Variants in EPB41L3 observed in about 807,000 individuals in gnomAD.
The protein encoded by EPB41L3 is band 4.1-like protein 3.
A neutral mutation model predicts 127.1 loss-of-function variants in EPB41L3; 57 were observed. The ratio of observed to expected loss-of-function variants is 0.45; its 90% CI spans 0.36 to 0.56. EPB41L3 has a LOEUF of 0.56. Among genes scored for constraint, EPB41L3 ranks in the 20% least tolerant of loss-of-function variants. The probability of loss-of-function intolerance (pLI) is 0.00; values close to 1 mark genes in which losing one functional copy is unlikely to be tolerated. For missense variants in EPB41L3, 1,273 were observed against 1,372.2 expected (o/e 0.93, Z 1.14); for synonymous variants, 572 against 549.5 (o/e 1.04, Z -0.57).
chr18:5,469,458 TG>T (rs1339895274), intron 3 of EPB41L3, among the ~76,000 whole-genome samples: 3 of 74,974 alleles, frequency 4.0e-5, no homozygotes, highest in Non-Finnish European at 1.0e-4. Context: ...TGCCTGGCTG[TG>T]TGTATGCCTG....
intron 1 of EPB41L3, among the ~76,000 whole-genome samples, chr18:5,618,681 G>A (rs1006256590): frequency 3.9e-5 from 6 of 152,046 alleles, no homozygotes; most frequent in African/African-American, 1.2e-4. Flanking sequence ...TTTGTGAACA[G>A]ACGAAAGTCA....
At chr18:5,476,540 T>A (rs538317259) in intron 3 of EPB41L3, among the ~76,000 whole-genome samples, 1 of 152,348 alleles carries the variant, frequency 6.6e-6, no homozygotes, top group East Asian at 1.9e-4. Flanking sequence ...TGTGAAACAC[T>A]ATAAACTTTC....
intron 3 of EPB41L3, among the ~76,000 whole-genome samples, chr18:5,465,523 T>C (rs2084801160): frequency 1.3e-5 from 2 of 152,214 alleles, no homozygotes; most frequent in South Asian, 4.1e-4. Context: ...TGGTATTTTA[T>C]ATTTATATTC....
Position 5,489,145 on chromosome 18 carries a change from C to T in EPB41L3, c.39G>A (p.Pro13=), listed in dbSNP as rs1329422383. 12 of 1,594,992 alleles carry T rather than the reference C, an allele frequency of 7.5e-6. No homozygotes were observed. Among genetic ancestry groups the T allele is most frequent in the South Asian group, 1.1e-5 (1 of 89,192 alleles). The stretch of plus-strand genomic sequence containing the variant: ...CCTCCTGGGGCTCGGCCTCCTGGTC[C>T]GGCTTGGATTCCGAGTCTGATCCAG... The part of the protein sequence containing the change: ...TESGSDSESK[P]DQEAEPQEAA... Residue 13 remains proline, a synonymous_variant, in exon 2 of 23, where the codon CCG becomes CCA. Coordinates refer to ENST00000341928, the MANE Select transcript of EPB41L3 (RefSeq NM_012307.5).
intron 3 of EPB41L3, among the ~76,000 whole-genome samples, chr18:5,448,544 T>C (rs565741945): frequency 2.6e-5 from 4 of 152,328 alleles, no homozygotes; most frequent in African/African-American, 7.2e-5. Context: ...TGTTGTTCTT[T>C]AAGTGATCAA....
intron 11 of EPB41L3, chr18:5,420,097 C>A: frequency 1.1e-6 from 1 of 886,250 alleles, no homozygotes; most frequent in Non-Finnish European, 1.7e-6. Flanking sequence ...GAGAGCATGA[C>A]CTTCCTGTAT....
Position 5,543,765 on chromosome 18 carries a change from C to G in EPB41L3, c.-12+148G>C, listed in dbSNP as rs2093819488. The G allele has an allele frequency of 4.8e-6, 3 of 622,208 alleles. No individual in the cohort carries two copies. Among genetic ancestry groups the G allele is most frequent in the Non-Finnish European group, 6.0e-6 (3 of 499,680 alleles). 38.5% of individuals were successfully genotyped at this position (622,208 alleles called of 1,614,324 possible). A position where few individuals can be genotyped will look rare whatever the true frequency, so the allele number is the denominator to read the frequency against. The stretch of plus-strand genomic sequence containing the variant: ...GACCCCGGCCGCGCCGGGCGCGGGG[C>G]TCGGGATTCGGGAGACCGCGCGGCG... On this transcript the variant is annotated intron_variant, in intron 1 of 22. Transcript: ENST00000341928. This position sits in a 1 kb window ranked among gnomAD's most constrained non-coding sequence, Gnocchi z 5.2.
intron 3 of EPB41L3, among the ~76,000 whole-genome samples, chr18:5,583,190 A>T (rs1189330117): frequency 6.6e-6 from 1 of 152,230 alleles, no homozygotes; most frequent in Non-Finnish European, 1.5e-5. Flanking sequence ...AGAACACAGT[A>T]ACTGTCCCTA....
At chr18:5,469,212 C>A (rs758773764) in intron 3 of EPB41L3, among the ~76,000 whole-genome samples, 15 of 152,222 alleles carry the variant, frequency 9.9e-5, no homozygotes, top group Non-Finnish European at 1.8e-4. Flanking sequence ...AAGGGCTGCA[C>A]CCCTTCTGGG....
chr18:5,460,798 G>T (rs891556371), intron 3 of EPB41L3, among the ~76,000 whole-genome samples: 3 of 152,142 alleles, frequency 2.0e-5, no homozygotes, highest in African/African-American at 7.2e-5. Flanking sequence ...GCCTGTTAGA[G>T]ATCTCAGAAC....
chr18:5,459,216 T>C (rs1339368617), intron 3 of EPB41L3, among the ~76,000 whole-genome samples: 1 of 152,134 alleles, frequency 6.6e-6, no homozygotes. Flanking sequence ...GAGGATTGCC[T>C]GGTCCCAGGA....
intron 14 of EPB41L3, among the ~76,000 whole-genome samples, chr18:5,409,339 C>A (rs945143223): frequency 1.3e-5 from 2 of 152,114 alleles, no homozygotes; most frequent in African/African-American, 4.8e-5. Flanking sequence ...TCATTTATAG[C>A]ACACATTAAG....
chr18:5,546,756 C>T (rs542370223), upstream of EPB41L3, among the ~76,000 whole-genome samples: 55 of 152,292 alleles, frequency 3.6e-4, no homozygotes, highest in African/African-American at 1.3e-3. Flanking sequence ...TGCATAGCTG[C>T]ATAGCTCCCT....
chr18:5,533,624 A>G (rs2093478866), intron 1 of EPB41L3, among the ~76,000 whole-genome samples: 1 of 152,200 alleles, frequency 6.6e-6, no homozygotes, highest in African/African-American at 2.4e-5. Context: ...TACTCATAGA[A>G]GCATCTCTTC....
intron 3 of EPB41L3, among the ~76,000 whole-genome samples, chr18:5,566,723 C>CATTCCATTCTATTCTATTCT (rs2094203774): frequency 1.8e-5 from 2 of 112,330 alleles, no homozygotes; most frequent in Non-Finnish European, 3.7e-5. Context: ...TTTTCTATTC[C>CATTCCATTCTATTCTATTCT]ATTCTATTCT....
rs189166663 is a variant in EPB41L3 at position 5,460,899 on chromosome 18, T to C, written c.382-15655A>G. 2.9e-3 allele frequency among the ~76,000 whole-genome samples: 444 copies of C among 152,320 alleles called. 3 individuals are homozygous for C. Among genetic ancestry groups the C allele is most frequent in the African/African-American group, 0.01 (419 of 41,570 alleles). Reference sequence around the variant, plus strand: ...CATATTTATTTTCTCTTTGTTATACTGGGTGCATTTATGTAAAACAGCCTA... The same window carrying C: ...CATATTTATTTTCTCTTTGTTATACCGGGTGCATTTATGTAAAACAGCCTA... On this transcript the variant is annotated intron_variant, in intron 3 of 22. Transcript: ENST00000341928.
At chr18:5,459,931 C>T (rs1433571523) in intron 3 of EPB41L3, among the ~76,000 whole-genome samples, 1 of 152,058 alleles carries the variant, frequency 6.6e-6, no homozygotes, top group African/African-American at 2.4e-5. Context: ...AGAGTTGGGG[C>T]ACATGTGCAG....
At chr18:5,492,065 A>G (rs2090659742) in intron 1 of EPB41L3, among the ~76,000 whole-genome samples, 1 of 152,220 alleles carries the variant, frequency 6.6e-6, no homozygotes, top group African/African-American at 2.4e-5. Flanking sequence ...TACACCTGTA[A>G]TCCCAGGACT....
chr18:5,624,829 A>T (rs1264556504), intron 1 of EPB41L3, among the ~76,000 whole-genome samples: 1 of 152,204 alleles, frequency 6.6e-6, no homozygotes, highest in East Asian at 1.9e-4. Context: ...GAGAAGTGCC[A>T]CGAGAGCAGA....
Sources: gnomAD v4.1 joint callset for allele counts (sites outside exome capture counted in the v4.1 genomes callset) on GRCh38, gnomAD v4.1.1 for gene constraint, Gnocchi (gnomAD v3.1) non-coding constraint, MANE v1.5 for transcripts, NCBI Gene and HGNC (gene_info 2026-07-23, HGNC 2026-07-21) for gene names.